OR6B3: variants seen among roughly 807,000 people sequenced by gnomAD.
The protein encoded by OR6B3 is olfactory receptor 6B3.
For missense variants in OR6B3, 315 were observed against 427.4 expected (o/e 0.74, Z 2.32); for synonymous variants, 148 against 187.8 (o/e 0.79, Z 1.73).
chr2:240,052,442 C>T, the OR6B3 span, among the ~76,000 whole-genome samples: 257 of 151,988 alleles, frequency 1.7e-3, 1 homozygote, highest in Middle Eastern at 6.8e-3. This position sits in a 1 kb window ranked among gnomAD's most constrained non-coding sequence, Gnocchi z 4.5. Flanking sequence ...CTAAAGATAA[C>T]GAGCACCACC....
At position 240,045,835 on chromosome 2, in the gene OR6B3, TGG is replaced by T. The variant is rs1205205712; in HGVS notation, c.236_237del (p.Pro79GlnfsTer101). On this transcript the variant is annotated frameshift_variant, in exon 2 of 2. Transcript: ENST00000641019. LOFTEE classifies it low-confidence loss of function (END_TRUNC). Reference sequence around the variant, plus strand: ...TGGAGGAGGAAGCCCTCCAGCATCTTGGGGGTGATGTCAGACACGTACCAGAT... The same window carrying T: ...TGGAGGAGGAAGCCCTCCAGCATCTTGGGTGATGTCAGACACGTACCAGAT... 1 of 1,609,306 alleles carries T rather than the reference TGG, an allele frequency of 6.2e-7. No homozygotes were observed. The highest frequency in any genetic ancestry group is 1.3e-5 in the African/African-American group (1 of 74,312).
chr2:240,045,287 G>T, exon 2 of OR6B3: 1 of 1,614,238 alleles, frequency 6.2e-7, no homozygotes, highest in East Asian at 2.2e-5. Flanking sequence ...CAATGGCCTG[G>T]GGCCGGACAT....
the OR6B3 span, among the ~76,000 whole-genome samples, chr2:240,052,522 C>A: frequency 2.0e-5 from 3 of 152,138 alleles, no homozygotes; most frequent in Non-Finnish European, 4.4e-5. This position sits in a 1 kb window ranked among gnomAD's most constrained non-coding sequence, Gnocchi z 4.5. Flanking sequence ...TTCTGTGATA[C>A]TATTAGCAAG....
chr2:240,050,923 G>A (rs1219559804), upstream of OR6B3, among the ~76,000 whole-genome samples: 3 of 152,156 alleles, frequency 2.0e-5, no homozygotes, highest in East Asian at 5.8e-4. Flanking sequence ...ATACACTTTT[G>A]TTTAGAAAAT....
At chr2:240,047,412 CA>C (rs1698206503), upstream of OR6B3, among the ~76,000 whole-genome samples, 1 of 152,104 alleles carries the variant, frequency 6.6e-6, no homozygotes, top group Non-Finnish European at 1.5e-5. Flanking sequence ...GGTCTGTAGC[CA>C]CAGTTTTAAA....
upstream of OR6B3, among the ~76,000 whole-genome samples, chr2:240,049,415 C>T (rs1334567071): frequency 6.6e-6 from 1 of 152,196 alleles, no homozygotes; most frequent in Admixed American, 6.5e-5. Context: ...TGTGTCCAGA[C>T]CTGGAATTAT....
intron 1 of OR6B3, 143 bp from the exon 3 acceptor site, chr2:240,046,240 C>A (rs1321031804): frequency 3.3e-6 from 2 of 607,996 alleles, no homozygotes; most frequent in African/African-American, 1.9e-5. Flanking sequence ...AAAAGCAGCT[C>A]CCCACCCAGA....
upstream of OR6B3, among the ~76,000 whole-genome samples, chr2:240,047,228 G>C (rs984136429): frequency 2.0e-5 from 3 of 152,210 alleles, no homozygotes; most frequent in Non-Finnish European, 4.4e-5. Flanking sequence ...GCATAGGTTG[G>C]TTGAACGAAC....
chr2:240,045,676 G>A (rs1375359464), exon 2 of OR6B3: 3 of 1,354,476 alleles, frequency 2.2e-6, no homozygotes, highest in Non-Finnish European at 3.1e-6. Flanking sequence ...ACAAGGACGT[G>A]GTAGCGCAGC....
exon 2 of OR6B3, chr2:240,045,620 A>G: frequency 7.0e-7 from 1 of 1,435,376 alleles, no homozygotes; most frequent in Non-Finnish European, 9.7e-7. Flanking sequence ...TGGTGAAGCC[A>G]CTCACAAAGG....
At chr2:240,047,273 T>C (rs1341627136), upstream of OR6B3, among the ~76,000 whole-genome samples, 1 of 152,132 alleles carries the variant, frequency 6.6e-6, no homozygotes, top group Non-Finnish European at 1.5e-5. Flanking sequence ...AGCAAAAGAC[T>C]TGGAAGCCAC....
chr2:240,053,454 G>A, the OR6B3 span, among the ~76,000 whole-genome samples: 4 of 152,152 alleles, frequency 2.6e-5, no homozygotes, highest in African/African-American at 9.7e-5. This position sits in a 1 kb window ranked among gnomAD's most constrained non-coding sequence, Gnocchi z 4.1. Flanking sequence ...TCTGCCCACT[G>A]CTTACCTGAT....
At chr2:240,048,898 G>A (rs1698225145), upstream of OR6B3, among the ~76,000 whole-genome samples, 1 of 152,224 alleles carries the variant, frequency 6.6e-6, no homozygotes, top group Admixed American at 6.5e-5. Flanking sequence ...CCAGAGCCAA[G>A]AGTCTTTGAG....
At chr2:240,046,048 C>A (rs373147887) in exon 2 of OR6B3, 10 of 1,613,514 alleles carry the variant, frequency 6.2e-6, no homozygotes, top group Non-Finnish European at 8.5e-6. Flanking sequence ...AAGGTGCCGA[C>A]CCTGGTGACA....
exon 2 of OR6B3, chr2:240,045,138 A>C: frequency 6.2e-7 from 1 of 1,614,002 alleles, no homozygotes. Flanking sequence ...CCTCCCCTCT[A>C]CGGCGCAGCT....
At chr2:240,045,496 A>C in exon 2 of OR6B3, 1 of 1,614,020 alleles carries the variant, frequency 6.2e-7, no homozygotes, top group Non-Finnish European at 8.5e-7. Flanking sequence ...TCTGCAGTGG[A>C]GAAGTCCGTG....
chr2:240,052,708 G>T, the OR6B3 span, among the ~76,000 whole-genome samples: 8 of 152,220 alleles, frequency 5.3e-5, no homozygotes, highest in Non-Finnish European at 7.3e-5. The surrounding 1 kb of genome is among the most constrained non-coding windows in gnomAD (Gnocchi z 4.5). Context: ...GACACGACAG[G>T]GTAGAGCCCA....
At chr2:240,047,612 T>C (rs1171048692), upstream of OR6B3, among the ~76,000 whole-genome samples, 3 of 152,244 alleles carry the variant, frequency 2.0e-5, no homozygotes, top group East Asian at 5.8e-4. Context: ...GAATTTTGTT[T>C]CACGTGAGTA....
upstream of OR6B3, among the ~76,000 whole-genome samples, chr2:240,050,194 G>A (rs1184328384): frequency 6.6e-6 from 1 of 152,064 alleles, no homozygotes; most frequent in Non-Finnish European, 1.5e-5. Context: ...TGGTGCAAAA[G>A]TAATTGCGGT....
Sources: allele counts gnomAD v4.1 joint callset (sites outside exome capture counted in the v4.1 genomes callset), GRCh38; gene constraint gnomAD v4.1.1; non-coding constraint Gnocchi (gnomAD v3.1); transcripts MANE v1.5; gene names NCBI Gene and HGNC (gene_info 2026-07-23, HGNC 2026-07-21).